SHPRH: variants seen among roughly 807,000 people sequenced by gnomAD.
The protein encoded by SHPRH is E3 ubiquitin-protein ligase SHPRH.
Under a neutral mutation model 202.5 loss-of-function variants are expected in SHPRH, and 106 were observed. That is an observed-to-expected ratio of 0.52 (90% CI 0.45 to 0.62). The LOEUF (loss-of-function observed/expected upper bound fraction) is 0.62, where lower values mean the gene tolerates loss of function less well. Among genes scored for constraint, SHPRH ranks in the 20% least tolerant of loss-of-function variants. The pLI is 0.00. For synonymous variants in SHPRH, 729 were observed against 686.0 expected, an observed-to-expected ratio of 1.06 and a Z score of -0.98; for missense variants, 1,710 against 2,020.0, an observed-to-expected ratio of 0.85 and a Z score of 2.94.
chr6:145,944,579 G>T (rs907772590), intron 8 of SHPRH, among the ~76,000 whole-genome samples: 8 of 151,782 alleles, frequency 5.3e-5, no homozygotes, highest in African/African-American at 9.7e-5. Flanking sequence ...GTGGTAGCAG[G>T]ATTACCAAAA....
At chr6:145,919,686 C>CTT (rs1474737171) in intron 21 of SHPRH, among the ~76,000 whole-genome samples, 195 bp from the exon 22 acceptor site, 1 of 152,094 alleles carries the variant, frequency 6.6e-6, no homozygotes, top group African/African-American at 2.4e-5. Context: ...GACACTGCCT[C>CTT]TTTAGATTCT....
At chr6:145,858,131 G>T in the SHPRH span, among the ~76,000 whole-genome samples, 1 of 152,022 alleles carries the variant, frequency 6.6e-6, no homozygotes, top group Non-Finnish European at 1.5e-5. Flanking sequence ...ATTTAAAACG[G>T]TATGGAGTTT....
chr6:145,913,385 G>A (rs1431581409), intron 24 of SHPRH, 93 bp downstream of exon 24: 2 of 1,143,896 alleles, frequency 1.7e-6, no homozygotes, highest in Non-Finnish European at 2.6e-6. Flanking sequence ...ATAGAAACTA[G>A]TGGTGAGAAA....
At chr6:145,961,859 C>T (rs2128814168) in intron 1 of SHPRH, among the ~76,000 whole-genome samples, 1 of 152,310 alleles carries the variant, frequency 6.6e-6, no homozygotes, top group African/African-American at 2.4e-5. Context: ...AAGGAAATCT[C>T]TATTCAGGGT....
intron 14 of SHPRH, among the ~76,000 whole-genome samples, chr6:145,927,547 C>T (rs895089047): frequency 1.1e-4 from 16 of 151,070 alleles, no homozygotes; most frequent in East Asian, 1.9e-4. Flanking sequence ...TATAATCAAA[C>T]GTTTGTAATG....
At chr6:145,929,892 C>A (rs1447980566) in intron 14 of SHPRH, among the ~76,000 whole-genome samples, 1 of 152,036 alleles carries the variant, frequency 6.6e-6, no homozygotes, top group Non-Finnish European at 1.5e-5. Flanking sequence ...ATTACCATAA[C>A]CAATAACATC....
intron 21 of SHPRH, among the ~76,000 whole-genome samples, chr6:145,920,241 A>C (rs1201839048): frequency 6.6e-6 from 1 of 152,062 alleles, no homozygotes; most frequent in Non-Finnish European, 1.5e-5. Context: ...ATGTACCAAG[A>C]CCTGGGAGAA....
At chr6:145,943,882 C>T (rs1400919064) in intron 8 of SHPRH, 80 bp from the exon 9 acceptor site, 2 of 1,295,578 alleles carry the variant, frequency 1.5e-6, no homozygotes, top group East Asian at 2.4e-5. Flanking sequence ...GTAAGTACTT[C>T]ATATAATTAT....
At chr6:145,943,039 A>C in intron 9 of SHPRH, 104 bp downstream of exon 9, 1 of 1,300,482 alleles carries the variant, frequency 7.7e-7, no homozygotes, top group Non-Finnish European at 1.1e-6. Context: ...TAAATCATTC[A>C]GTTAGTTTTG....
downstream of SHPRH, among the ~76,000 whole-genome samples, chr6:145,882,037 A>G (rs1780614695): frequency 6.6e-6 from 1 of 151,774 alleles, no homozygotes; most frequent in Non-Finnish European, 1.5e-5. Context: ...TTGAGGCTGC[A>G]GTGAGCGGTC....
Position 145,955,054 on chromosome 6 carries a change from C to T in SHPRH, c.269G>A (p.Gly90Asp), listed in dbSNP as rs779244573. ...CTTTACAGACAAAGGGGAAAAAATA[C>T]CAACAGTCTCTTCTTTTTCAATTGG... ...SKPIEKEETV[G>D]IFSPLSVKLN... is the part of the protein sequence containing the mutation. Residue 90 changes from glycine to aspartate, a missense_variant, in exon 2 of 30, where the codon GGT (glycine) becomes GAT (aspartate). Coordinates refer to ENST00000275233, the MANE Select transcript of SHPRH (RefSeq NM_001042683.3). 6.2e-7 allele frequency: 1 copy of T among 1,613,144 alleles called. No homozygotes were observed. The highest frequency in any genetic ancestry group is 1.1e-5 in the South Asian group (1 of 91,078).
In SHPRH at chr6:145,892,743, G is replaced by C. The variant is rs1442794977; in HGVS notation, c.4874+472C>G. 2.0e-5 allele frequency among the ~76,000 whole-genome samples: 3 copies of C among 151,996 alleles called. No individual in the cohort carries two copies. In the East Asian group the frequency reaches 5.8e-4, roughly 29 times the overall value. ...CTGAATCTAATGATCTCTTGGAGCT[G>C]ACCTAGGGGGTGTCTTTTCCTAATG... On this transcript the variant is annotated intron_variant, in intron 28 of 29. Coordinates refer to ENST00000275233, the MANE Select transcript of SHPRH (RefSeq NM_001042683.3).
intron 2 of SHPRH, among the ~76,000 whole-genome samples, chr6:145,872,180 G>T (rs569548301): frequency 6.6e-6 from 1 of 152,062 alleles, no homozygotes; most frequent in Non-Finnish European, 1.5e-5. Flanking sequence ...TGCAACAAAA[G>T]CAAAAATTAG....
chr6:145,933,349 C>T lies in SHPRH; in HGVS notation c.2991-171G>A, dbSNP rs1265303743. On this transcript the variant is annotated intron_variant, in intron 13 of 29. Transcript: ENST00000275233. ...CCATTATTTTTTCCCACATAAGTACCTTTATTTGATCACATCCTTCTTTAA... is the reference window on the plus strand; with the variant it reads ...CCATTATTTTTTCCCACATAAGTACTTTTATTTGATCACATCCTTCTTTAA... 4.4e-6 allele frequency: 4 copies of T among 911,840 alleles called. No homozygotes were observed. In the African/African-American group the frequency reaches 6.7e-5, roughly 15 times the overall value. The allele number at this position is 911,840 out of a possible 1,614,324, so 56.5% of individuals were successfully genotyped here.
Position 145,955,091 on chromosome 6 carries a change from T to C in SHPRH, c.232A>G (p.Ser78Gly). ...RDKKRCSKVV[S>G]FSKPIEKEET... ...TCTTTTTCAATTGGTTTTGAGAAGC[T>C]CACCACTTTTGAACACCTCTTCTTA... Residue 78 changes from serine (S) to glycine (G), a missense_variant, in exon 2 of 30, where the codon AGC becomes GGC. Physicochemically the swap from Ser to Gly is moderately conservative, Grantham distance 56 (BLOSUM62 0). Transcript: ENST00000275233. The C allele has an allele frequency of 6.2e-7, 1 of 1,613,450 alleles. No homozygotes were observed.
At position 145,941,701 on chromosome 6, in the gene SHPRH, G is replaced by C; in HGVS notation, c.2412C>G (p.Ile804Met). Reference sequence around the variant, plus strand: ...ACTCCACAGCTACCAGGGGGCTCGGGATAGCCATATAGCGCTTCTGGTTCC... The same window carrying C: ...ACTCCACAGCTACCAGGGGGCTCGGCATAGCCATATAGCGCTTCTGGTTCC... The part of the protein sequence containing the change: ...RLRNQKRYMA[I>M]PSPLVAVEWW... Residue 804 changes from isoleucine (I) to methionine (M), a missense_variant, in exon 10 of 30, where the codon ATC becomes ATG. Transcript: ENST00000275233. 3 of 1,613,970 alleles carry C rather than the reference G, an allele frequency of 1.9e-6. No homozygotes were observed. The highest frequency in any genetic ancestry group is 2.5e-6 in the Non-Finnish European group (3 of 1,179,948).
Position 145,952,360 on chromosome 6 carries a change from G to T in SHPRH, c.752C>A (p.Ser251Tyr), listed in dbSNP as rs377140893. The change falls in exon 3 of 30, where the codon TCT becomes TAT. Residue 251 changes from serine (S) to tyrosine (Y), a missense_variant. Around this residue, in one of 8 missense-constraint regions of SHPRH, gnomAD observed 459 missense variants for 426.5 expected, o/e 1.08. Transcript: ENST00000275233. ...ACTGTAAATATTACCTGGAATAATA[G>T]AATTGTGTAACTTTTCCATTACTTT... ...MKKVMEKLHN[S>Y]IIPDVLEEDE... The T allele has an allele frequency of 1.6e-5, 25 of 1,598,676 alleles. No individual in the cohort carries two copies. The African/African-American group carries it at 3.0e-4, about 19-fold the overall frequency.
chr6:145,889,146 G>T (rs1781369316), intron 28 of SHPRH, among the ~76,000 whole-genome samples: 1 of 152,098 alleles, frequency 6.6e-6, no homozygotes, highest in South Asian at 2.1e-4. Flanking sequence ...GGGCATGTCT[G>T]GGCTGGGGGA....
chr6:145,867,599 AATATATATATATATATATATAT>A (rs374395571), intron 2 of SHPRH, among the ~76,000 whole-genome samples: 4 of 21,592 alleles, frequency 1.9e-4, no homozygotes, highest in African/African-American at 7.3e-4. Context: ...TTCAAAAAAG[AATATATATATATATATATATAT>A]ATATATATAT....
Sources: gnomAD v4.1 joint callset for allele counts (sites outside exome capture counted in the v4.1 genomes callset) on GRCh38, gnomAD v4.1.1 for gene constraint, gnomAD v4.1.1 regional missense constraint, MANE v1.5 for transcripts, NCBI Gene and HGNC (gene_info 2026-07-23, HGNC 2026-07-21) for gene names.